Variants in SH3PXD2A observed in about 807,000 individuals in gnomAD.
SH3PXD2A encodes the protein SH3 and PX domain-containing protein 2A.
In SH3PXD2A, 32 loss-of-function variants were observed where a neutral mutation model predicts 115.2. That is an observed-to-expected ratio of 0.28 (90% CI 0.21 to 0.37). The LOEUF is 0.37. SH3PXD2A is among the 10% of genes least tolerant of loss of function. The probability of loss-of-function intolerance (pLI) is 1.00; values close to 1 mark genes in which losing one functional copy is unlikely to be tolerated. For synonymous variants in SH3PXD2A, 610 were observed against 629.1 expected (o/e 0.97, Z 0.45); for missense variants, 1,328 against 1,498.7 (o/e 0.89, Z 1.88).
chr10:103,794,170 GACCC>G (rs2134255061), intron 2 of SH3PXD2A, among the ~76,000 whole-genome samples: 1 of 152,294 alleles, frequency 6.6e-6, no homozygotes, highest in South Asian at 2.1e-4. Context: ...AAGTGAGTGT[GACCC>G]CAGGGTGGGG....
rs115566046 is a variant in SH3PXD2A, at chr10:103,757,147, A to G, written c.229+9947T>C. 5.2e-3 allele frequency among the ~76,000 whole-genome samples: 789 copies of G among 152,344 alleles called. 6 individuals carry two copies. Among genetic ancestry groups the G allele is most frequent in the African/African-American group, 0.018 (756 of 41,572 alleles). ...CCTTGTAAAAGGACATTTAGGCATC[A>G]GGTAAGGAAAGGATGTATTTCCAGG... On this transcript the variant is annotated intron_variant, in intron 3 of 14. Coordinates refer to ENST00000369774, the MANE Select transcript of SH3PXD2A (RefSeq NM_001394015.1).
At chr10:103,787,665 C>T (rs145751164) in intron 2 of SH3PXD2A, among the ~76,000 whole-genome samples, 30 of 152,320 alleles carry the variant, frequency 2.0e-4, no homozygotes, top group African/African-American at 7.0e-4. Flanking sequence ...GAGGTGCTGC[C>T]GGGACTGTCT....
chr10:103,771,386 T>C (rs1241333267), intron 2 of SH3PXD2A, among the ~76,000 whole-genome samples: 1 of 152,206 alleles, frequency 6.6e-6, no homozygotes, highest in Non-Finnish European at 1.5e-5. Context: ...CATTCATTCC[T>C]TTCCCCCAAG....
At chr10:103,738,427 G>A (rs929182671) in intron 3 of SH3PXD2A, among the ~76,000 whole-genome samples, 1 of 152,150 alleles carries the variant, frequency 6.6e-6, no homozygotes, top group African/African-American at 2.4e-5. Flanking sequence ...CAAGAAGATG[G>A]GTGGCCCTGG....
chr10:103,622,702 G>C (rs1191207823), intron 9 of SH3PXD2A, 149 bp from the exon 10 acceptor site: 1 of 630,980 alleles, frequency 1.6e-6, no homozygotes, highest in African/African-American at 1.8e-5. Flanking sequence ...CTGAACCAAA[G>C]GGCACGCCCC....
At chr10:103,775,576 G>T (rs1398125582) in intron 2 of SH3PXD2A, among the ~76,000 whole-genome samples, 1 of 152,222 alleles carries the variant, frequency 6.6e-6, no homozygotes, top group Non-Finnish European at 1.5e-5. Flanking sequence ...CTTATGCTCG[G>T]CAGTGGGCCT....
Position 103,601,542 on chromosome 10 carries a change from A to G in SH3PXD2A, c.*274T>C. ...CATTGGTGAAGTCCCTATGGTGCAC[A>G]GGATATCTCAGCTTTCTTGGCTCTG... On this transcript the variant is annotated 3_prime_UTR_variant, in exon 15 of 15. Coordinates refer to ENST00000369774, the MANE Select transcript of SH3PXD2A (RefSeq NM_001394015.1). The G allele has an allele frequency of 2.9e-6, 1 of 345,630 alleles. No homozygotes were observed. The highest frequency in any genetic ancestry group is 5.3e-6 in the Non-Finnish European group (1 of 188,150). The allele number at this position is 345,630 out of a possible 1,614,324, so 21.4% of individuals were successfully genotyped here.
intron 2 of SH3PXD2A, among the ~76,000 whole-genome samples, chr10:103,789,282 G>A (rs1374371704): frequency 2.0e-5 from 3 of 152,144 alleles, no homozygotes; most frequent in African/African-American, 7.2e-5. Flanking sequence ...GATGCAGGTG[G>A]TCTACATCCT....
rs1289905766 is a variant in SH3PXD2A at position 103,627,309 on chromosome 10, G to A, written c.605-107C>T. 2.9e-6 allele frequency: 2 copies of A among 681,342 alleles called. No homozygotes were observed. Among genetic ancestry groups the A allele is most frequent in the Non-Finnish European group, 5.2e-6 (2 of 383,276 alleles). 42.2% of individuals were successfully genotyped at this position (681,342 alleles called of 1,614,324 possible). A position where few individuals can be genotyped will look rare whatever the true frequency, so the allele number is the denominator to read the frequency against. ...AGGAGAGGCACAAGAAGCGGAGCAT[G>A]GAGCCAGATGGCCTGGGGACCCAGC... On this transcript the variant is annotated intron_variant, in intron 8 of 14. Transcript: ENST00000369774. This position sits in a 1 kb window ranked among gnomAD's most constrained non-coding sequence, Gnocchi z 4.4.
chr10:103,627,349 G>A lies in SH3PXD2A; in HGVS notation c.605-147C>T. ...GGGGACCCAGCAAATGCCTGGCCCA[G>A]CTCCAGCCTCGAGGAGCCTGCGTCT... On this transcript the variant is annotated intron_variant, in intron 8 of 14. Coordinates refer to ENST00000369774, the MANE Select transcript of SH3PXD2A (RefSeq NM_001394015.1). The surrounding 1 kb of genome is among the most constrained non-coding windows in gnomAD (Gnocchi z 4.4). 1.6e-6 allele frequency: 1 copy of A among 607,176 alleles called. No homozygotes were observed. The highest frequency in any genetic ancestry group is 2.9e-6 in the Non-Finnish European group (1 of 339,784). 37.6% of individuals were successfully genotyped at this position (607,176 alleles called of 1,614,324 possible).
intron 1 of SH3PXD2A, among the ~76,000 whole-genome samples, chr10:103,823,903 G>C (rs1186286322): frequency 6.6e-6 from 1 of 152,162 alleles, no homozygotes; most frequent in Non-Finnish European, 1.5e-5. Context: ...CAGTCAGCGT[G>C]TCAAGGCCGC....
Position 103,836,477 on chromosome 10 carries a change from AACTC to A in SH3PXD2A, c.72+18714_72+18717del, listed in dbSNP as rs907007666. On this transcript the variant is annotated intron_variant, in intron 1 of 14. Transcript: ENST00000369774. ...CATCCCCTAACACACACACTCCACAAACTCACACACAGACACATCCATACACACA... is the reference window on the plus strand; with the variant it reads ...CATCCCCTAACACACACACTCCACAAACACACAGACACATCCATACACACA... Among the ~76,000 whole-genome samples the A allele has an allele frequency of 2.9e-3, 430 of 150,734 alleles. 3 individuals are homozygous for A. Among genetic ancestry groups the A allele is most frequent in the African/African-American group, 0.01 (412 of 41,058 alleles).
chr10:103,653,579 A>G (rs1358683624), intron 8 of SH3PXD2A, among the ~76,000 whole-genome samples: 1 of 152,164 alleles, frequency 6.6e-6, no homozygotes, highest in Non-Finnish European at 1.5e-5. Flanking sequence ...AGGTCCACAG[A>G]GTCAGGCCAC....
chr10:103,830,273 G>A (rs2039471390), intron 1 of SH3PXD2A, among the ~76,000 whole-genome samples: 1 of 152,222 alleles, frequency 6.6e-6, no homozygotes, highest in Non-Finnish European at 1.5e-5. Flanking sequence ...TTCCAGACAA[G>A]GGAGACAGGC....
chr10:103,713,795 G>A (rs2038072737), intron 5 of SH3PXD2A, among the ~76,000 whole-genome samples: 1 of 152,210 alleles, frequency 6.6e-6, no homozygotes, highest in Non-Finnish European at 1.5e-5. Context: ...ATAATTCCCA[G>A]GCCACACAGC....
chr10:103,842,364 A>T (rs2039609619), intron 1 of SH3PXD2A, among the ~76,000 whole-genome samples: 1 of 152,158 alleles, frequency 6.6e-6, no homozygotes, highest in African/African-American at 2.4e-5. Context: ...GGTCATGGGG[A>T]TATCCATCAC....
chr10:103,816,902 A>T (rs995356536), intron 1 of SH3PXD2A, among the ~76,000 whole-genome samples: 1 of 151,424 alleles, frequency 6.6e-6, no homozygotes, highest in Admixed American at 6.6e-5. Context: ...CAGTGGTGCC[A>T]TTACTGCAAC....
intron 5 of SH3PXD2A, among the ~76,000 whole-genome samples, chr10:103,694,969 C>A (rs1036335792): frequency 1.3e-5 from 2 of 152,234 alleles, no homozygotes; most frequent in African/African-American, 4.8e-5. Flanking sequence ...AAAAGCTCAA[C>A]TGTGCAGGGA....
chr10:103,791,631 C>G (rs566209823), intron 2 of SH3PXD2A, among the ~76,000 whole-genome samples: 24 of 152,048 alleles, frequency 1.6e-4, no homozygotes, highest in Non-Finnish European at 3.1e-4. Context: ...GAGACCTCTC[C>G]TAGATGCTCT....
Sources: allele counts gnomAD v4.1 joint callset (sites outside exome capture counted in the v4.1 genomes callset), GRCh38; gene constraint gnomAD v4.1.1; non-coding constraint Gnocchi (gnomAD v3.1); transcripts MANE v1.5; gene names NCBI Gene and HGNC (gene_info 2026-07-23, HGNC 2026-07-21).